The following SCHIP1 variants were observed in gnomAD, a reference collection of about 807,000 sequenced individuals.
SCHIP1 encodes the protein schwannomin interacting protein 1.
A neutral mutation model predicts 29.7 loss-of-function variants in SCHIP1; 8 were observed. That is an observed-to-expected ratio of 0.27 (90% CI 0.16 to 0.49). The LOEUF is 0.49. Ranked by LOEUF, SCHIP1 falls within the 20% of genes least tolerant of loss-of-function variation. The pLI, the probability that SCHIP1 is intolerant of heterozygous loss-of-function variation, is 0.99. For synonymous variants in SCHIP1, 76 were observed against 94.9 expected (o/e 0.80, Z 1.16); for missense variants, 193 against 294.6 (o/e 0.66, Z 2.52).
chr3:159,655,268 T>G, the SCHIP1 span, among the ~76,000 whole-genome samples: 1 of 152,220 alleles, frequency 6.6e-6, no homozygotes. Flanking sequence ...CATTTGCATC[T>G]GTAAGTATGA....
the SCHIP1 span, among the ~76,000 whole-genome samples, chr3:159,350,950 A>G: frequency 6.6e-6 from 1 of 152,166 alleles, no homozygotes; most frequent in Admixed American, 6.6e-5. Context: ...CAAAATCTGT[A>G]AACTGTGCTA....
At chr3:159,641,690 C>T in the SCHIP1 span, among the ~76,000 whole-genome samples, 9 of 152,130 alleles carry the variant, frequency 5.9e-5, no homozygotes, top group South Asian at 1.0e-3. Context: ...TGTAATTCAC[C>T]CAAATGGGTG....
the SCHIP1 span, among the ~76,000 whole-genome samples, chr3:159,429,511 G>A: frequency 6.6e-6 from 1 of 152,100 alleles, no homozygotes; most frequent in Admixed American, 6.5e-5. Context: ...TTTCTAGCAG[G>A]CACCAAGGAG....
At chr3:159,375,706 C>T in the SCHIP1 span, 4 of 674,990 alleles carry the variant, frequency 5.9e-6, no homozygotes, top group Middle Eastern at 7.4e-4. Flanking sequence ...CATTGCACTC[C>T]AGCCTGGGCA....
chr3:159,840,230 T>C (rs1367316240), intron 1 of SCHIP1: 2 of 1,530,544 alleles, frequency 1.3e-6, no homozygotes, highest in East Asian at 2.4e-5. Context: ...ATTTAAAGCC[T>C]GATTCTGAGG....
chr3:159,293,262 T>A, the SCHIP1 span, among the ~76,000 whole-genome samples: 1 of 152,204 alleles, frequency 6.6e-6, no homozygotes, highest in African/African-American at 2.4e-5. Context: ...TGTCCTCTAA[T>A]AGTAAGAATG....
chr3:159,542,142 A>C, the SCHIP1 span, among the ~76,000 whole-genome samples: 4 of 152,258 alleles, frequency 2.6e-5, no homozygotes, highest in South Asian at 6.2e-4. Context: ...AGCTCCAAAC[A>C]CAGCAATGAA....
intron 2 of SCHIP1, among the ~76,000 whole-genome samples, chr3:159,874,990 T>TC: frequency 6.7e-6 from 1 of 149,698 alleles, no homozygotes; most frequent in African/African-American, 2.5e-5. Flanking sequence ...TTCTTTTTTT[T>TC]CACTATTTGA....
At chr3:159,554,951 A>G in the SCHIP1 span, among the ~76,000 whole-genome samples, 1 of 152,104 alleles carries the variant, frequency 6.6e-6, no homozygotes, top group African/African-American at 2.4e-5. Flanking sequence ...TGGGAGAGGA[A>G]AAGGAAGACA....
chr3:159,522,761 C>A, the SCHIP1 span, among the ~76,000 whole-genome samples: 1 of 152,118 alleles, frequency 6.6e-6, no homozygotes, highest in Non-Finnish European at 1.5e-5. Flanking sequence ...CCCAGCTGCA[C>A]GGGAAGCTGA....
the SCHIP1 span, among the ~76,000 whole-genome samples, chr3:159,552,369 C>G: frequency 6.6e-6 from 1 of 151,990 alleles, no homozygotes; most frequent in Non-Finnish European, 1.5e-5. Context: ...AATTAGAGTC[C>G]TTTATTTTTG....
At chr3:159,561,927 T>TC in the SCHIP1 span, among the ~76,000 whole-genome samples, 6 of 152,202 alleles carry the variant, frequency 3.9e-5, no homozygotes, top group Non-Finnish European at 8.8e-5. Context: ...AGTAATTGTT[T>TC]CCTTAGAGTA....
chr3:159,774,843 A>G, the SCHIP1 span, among the ~76,000 whole-genome samples: 1 of 152,250 alleles, frequency 6.6e-6, no homozygotes. Context: ...TTGTATCTGT[A>G]CATTTTACTG....
chr3:159,382,747 T>A, the SCHIP1 span, among the ~76,000 whole-genome samples: 1 of 152,140 alleles, frequency 6.6e-6, no homozygotes, highest in Admixed American at 6.5e-5. Flanking sequence ...TTCCTATTTC[T>A]CCACATCCTC....
At chr3:159,751,467 G>A in the SCHIP1 span, among the ~76,000 whole-genome samples, 1 of 151,978 alleles carries the variant, frequency 6.6e-6, no homozygotes, top group African/African-American at 2.4e-5. Context: ...GATGATTTAT[G>A]GAACTATAAA....
At chr3:159,476,082 A>G in the SCHIP1 span, among the ~76,000 whole-genome samples, 5 of 152,096 alleles carry the variant, frequency 3.3e-5, no homozygotes, top group East Asian at 9.7e-4. Context: ...AGAGTTGGAA[A>G]AACTGAAAAG....
the SCHIP1 span, among the ~76,000 whole-genome samples, chr3:159,435,333 C>T: frequency 1.3e-5 from 2 of 152,070 alleles, no homozygotes; most frequent in Non-Finnish European, 2.9e-5. Flanking sequence ...TTATTATTAC[C>T]TCTTTACACA....
At chr3:159,421,360 T>A in the SCHIP1 span, among the ~76,000 whole-genome samples, 2 of 152,188 alleles carry the variant, frequency 1.3e-5, no homozygotes, top group African/African-American at 2.4e-5. Context: ...TGAGGAACTG[T>A]CACTTGGATG....
At chr3:159,859,654 A>G (rs1305976984) in intron 1 of SCHIP1, among the ~76,000 whole-genome samples, 1 of 152,270 alleles carries the variant, frequency 6.6e-6, no homozygotes, top group Non-Finnish European at 1.5e-5. Context: ...GGCAGAGGCC[A>G]GGCTGCTACA....
Sources: gnomAD v4.1 joint callset for allele counts (sites outside exome capture counted in the v4.1 genomes callset) on GRCh38, gnomAD v4.1.1 for gene constraint, MANE v1.5 for transcripts, NCBI Gene and HGNC (gene_info 2026-07-23, HGNC 2026-07-21) for gene names.